Variants in ATP9A observed in about 807,000 individuals in gnomAD.
ATP9A encodes ATPase phospholipid transporting 9A.
A neutral mutation model predicts 144.1 loss-of-function variants in ATP9A; 52 were observed. The ratio of observed to expected loss-of-function variants is 0.36; its 90% CI spans 0.29 to 0.45. The LOEUF is 0.45. ATP9A is among the 20% of genes least tolerant of loss of function. The pLI is 1.00. For missense variants in ATP9A, 947 were observed against 1,392.7 expected, an observed-to-expected ratio of 0.68 and a Z score of 5.09; for synonymous variants, 582 against 557.4, an observed-to-expected ratio of 1.04 and a Z score of -0.62.
Position 51,694,020 on chromosome 20 carries a change from G to A in ATP9A, c.630C>T (p.Leu210=), listed in dbSNP as rs2031344. 2.2e-3 allele frequency: 3,556 copies of A among 1,613,462 alleles called. 73 individuals are homozygous for A. In the African/African-American group the frequency reaches 0.04, roughly 18 times the overall value. The change falls in exon 7 of 28, where the codon CTC becomes CTT. Residue 210 remains leucine, a synonymous_variant. Transcript: ENST00000338821. ...LRLPVACTQR[L]PTAADLLQIR... is the part of the protein sequence containing the mutation. ...GAAAGCTACTCACGGCGGCCGTGGG[G>A]AGCCTCTGCGTGCAGGCCACGGGAA...
intron 4 of ATP9A, among the ~76,000 whole-genome samples, chr20:51,710,302 TA>T (rs11480539): frequency 6.6e-6 from 1 of 150,978 alleles, no homozygotes; most frequent in African/African-American, 2.4e-5. Context: ...AAACTCCGTC[TA>T]AAAAAAAAGA....
At chr20:51,716,939 C>T (rs572777028) in intron 3 of ATP9A, among the ~76,000 whole-genome samples, 2 of 152,028 alleles carry the variant, frequency 1.3e-5, no homozygotes, top group African/African-American at 4.8e-5. Context: ...TTCGGGAGGC[C>T]GAGGTGGGCG....
intron 1 of ATP9A, among the ~76,000 whole-genome samples, chr20:51,756,274 TG>T (rs2077855673): frequency 1.5e-5 from 1 of 65,480 alleles, no homozygotes; most frequent in Non-Finnish European, 3.9e-5. Flanking sequence ...CTGGTGTCTC[TG>T]TCTTTTTTTT....
chr20:51,613,956 G>T, intron 22 of ATP9A, 124 bp from the exon 23 acceptor site: 1 of 1,086,086 alleles, frequency 9.2e-7, no homozygotes, highest in Non-Finnish European at 1.3e-6. Flanking sequence ...GAAATTCTTT[G>T]GTTTCAAGCT....
chr20:51,669,895 T>C (rs1568812740), intron 13 of ATP9A, 102 bp downstream of exon 13: 4 of 818,620 alleles, frequency 4.9e-6, no homozygotes, highest in Non-Finnish European at 8.2e-6. Context: ...ATTGTACTCT[T>C]GAAATGGGTG....
chr20:51,636,290 G>A (rs557887498), intron 15 of ATP9A, among the ~76,000 whole-genome samples: 152 of 152,192 alleles, frequency 1.0e-3, no homozygotes, highest in African/African-American at 2.9e-3. Flanking sequence ...CATGAAATTC[G>A]TCACACTACT....
intron 1 of ATP9A, among the ~76,000 whole-genome samples, chr20:51,763,530 G>A (rs940199690): frequency 6.6e-6 from 1 of 151,888 alleles, no homozygotes; most frequent in South Asian, 2.1e-4. Context: ...AGCCAGGATG[G>A]TCTGGATCTC....
rs10577089 is a variant in ATP9A at position 51,717,169 on chromosome 20, C to CA, written c.328-4096dup. On this transcript the variant is annotated intron_variant, in intron 3 of 27. Transcript: ENST00000338821. ...CCTGGGTGACAGAGCAAGACTGCCT[C>CA]AAAAAAAAAAAAAAAAAAAAAAGAT... is the stretch of plus-strand genomic sequence containing the variant. Among the ~76,000 whole-genome samples, 589 of 101,398 alleles carry CA rather than the reference C, an allele frequency of 5.8e-3. 4 individuals are homozygous for CA. The highest frequency in any genetic ancestry group is 0.015 in the African/African-American group (356 of 24,080). The allele number at this position is 101,398 out of a possible 152,430, so 66.5% of individuals were successfully genotyped here.
rs763763610 is a variant in ATP9A, at chr20:51,601,146, T to C, written c.*65A>G. Reference sequence around the variant, plus strand: ...ATCCACAGGTGGCGGTTAATATAAATGGAACTTGAGCTCTGTCCATCAGGG... The same window carrying C: ...ATCCACAGGTGGCGGTTAATATAAACGGAACTTGAGCTCTGTCCATCAGGG... On this transcript the variant is annotated 3_prime_UTR_variant, in exon 28 of 28. Transcript: ENST00000338821. 4.0e-6 allele frequency: 6 copies of C among 1,503,130 alleles called. No individual in the cohort carries two copies. The highest frequency in any genetic ancestry group is 2.2e-4 in the Middle Eastern group (1 of 4,584). 93.1% of individuals were successfully genotyped at this position (1,503,130 alleles called of 1,614,324 possible).
chr20:51,632,808 A>G (rs2077274921), intron 15 of ATP9A, among the ~76,000 whole-genome samples: 1 of 152,198 alleles, frequency 6.6e-6, no homozygotes, highest in South Asian at 2.1e-4. Context: ...GGACATTCAC[A>G]GCACTATTTT....
intron 19 of ATP9A, 32 bp downstream of exon 19, chr20:51,622,042 C>T (rs2122724781): frequency 1.3e-6 from 2 of 1,589,334 alleles, no homozygotes; most frequent in Non-Finnish European, 8.6e-7. Context: ...GAACATCATC[C>T]CCACATGGCC....
At chr20:51,630,678 G>A (rs755848637) in intron 15 of ATP9A, among the ~76,000 whole-genome samples, 2 of 152,018 alleles carry the variant, frequency 1.3e-5, no homozygotes, top group Non-Finnish European at 2.9e-5. Flanking sequence ...TCCAACCTGG[G>A]CAACAAGAGC....
At chr20:51,703,835 T>C (rs1346016526) in intron 4 of ATP9A, among the ~76,000 whole-genome samples, 1 of 152,188 alleles carries the variant, frequency 6.6e-6, no homozygotes, top group Non-Finnish European at 1.5e-5. Flanking sequence ...GTATTTTTCA[T>C]TGTTCATGCA....
intron 22 of ATP9A, among the ~76,000 whole-genome samples, chr20:51,615,327 G>C (rs1029183900): frequency 3.9e-5 from 6 of 152,124 alleles, no homozygotes; most frequent in African/African-American, 1.4e-4. Context: ...TTCAACTTTT[G>C]ACATTTTTCA....
chr20:51,604,796 T>C, intron 27 of ATP9A, 21 bp downstream of exon 27: 2 of 1,467,634 alleles, frequency 1.4e-6, no homozygotes, highest in Non-Finnish European at 1.8e-6. Flanking sequence ...CGGACGGGGT[T>C]TAAGCATTCA....
chr20:51,616,940 CTTTTT>C (rs556430829), intron 22 of ATP9A, among the ~76,000 whole-genome samples: 4 of 131,084 alleles, frequency 3.1e-5, no homozygotes, highest in Admixed American at 2.3e-4. Flanking sequence ...TATAGAGAAA[CTTTTT>C]TTTTTTTTTT....
In ATP9A at chr20:51,605,067, C is replaced by T. The variant is rs1319469131; in HGVS notation, c.2804-47G>A. ...ATTCCCCTCACCCTCCCTGCGAAAG[C>T]CGTGCGCTGCTCGCCTACACCTGGC... On this transcript the variant is annotated intron_variant, in intron 26 of 27. Coordinates refer to ENST00000338821, the MANE Select transcript of ATP9A (RefSeq NM_006045.3). 4.0e-6 allele frequency: 6 copies of T among 1,484,328 alleles called. No homozygotes were observed. The East Asian group carries it at 1.3e-4, about 31-fold the overall frequency. The allele number at this position is 1,484,328 out of a possible 1,614,324, so 91.9% of individuals were successfully genotyped here. A position where few individuals can be genotyped will look rare whatever the true frequency, so the allele number is the denominator to read the frequency against.
intron 13 of ATP9A, among the ~76,000 whole-genome samples, chr20:51,662,948 T>C (rs1434561540): frequency 1.3e-5 from 2 of 151,846 alleles, no homozygotes; most frequent in African/African-American, 4.8e-5. Context: ...CAGGCACCTG[T>C]AATCCCAGCT....
Position 51,670,027 on chromosome 20 carries a change from T to C in ATP9A, c.1263A>G (p.Val421=), listed in dbSNP as rs1236181186. Residue 421 remains valine (V), a synonymous_variant, in exon 13 of 28, where the codon GTA becomes GTG. Coordinates refer to ENST00000338821, the MANE Select transcript of ATP9A (RefSeq NM_006045.3). ...TGTAAATGCTGAAAATGTGGCTTTGTACTTCGTCCATTGAGTCGAGGCCGT... is the reference window on the plus strand; with the variant it reads ...TGTAAATGCTGAAAATGTGGCTTTGCACTTCGTCCATTGAGTCGAGGCCGT... ...VAYGLDSMDE[V]QSHIFSIYTQ... 1.2e-6 allele frequency: 2 copies of C among 1,614,164 alleles called. No individual in the cohort carries two copies. The highest frequency in any genetic ancestry group is 2.2e-5 in the East Asian group (1 of 44,880).
Sources: allele counts gnomAD v4.1 joint callset (sites outside exome capture counted in the v4.1 genomes callset), GRCh38; gene constraint gnomAD v4.1.1; transcripts MANE v1.5; gene names NCBI Gene and HGNC (gene_info 2026-07-23, HGNC 2026-07-21).